The following LIN7A variants were observed in gnomAD, a reference collection of about 807,000 sequenced individuals.
LIN7A encodes the protein lin-7 cell polarity scaffold A, also known as protein lin-7 homolog A.
LIN7A carries 25 observed loss-of-function variants against 29.8 expected under a neutral mutation model. The ratio of observed to expected loss-of-function variants is 0.84; its 90% CI spans 0.61 to 1.17. The LOEUF is 1.17. LIN7A is among the 50% of genes most tolerant of loss of function. The probability of loss-of-function intolerance (pLI) is 0.00; values close to 1 mark genes in which losing one functional copy is unlikely to be tolerated. For missense variants in LIN7A, 239 were observed against 287.0 expected (o/e 0.83, Z 1.21); for synonymous variants, 118 against 107.5 (o/e 1.10, Z -0.60).
intron 1 of LIN7A, among the ~76,000 whole-genome samples, chr12:80,907,049 C>T (rs953507368): frequency 8.3e-5 from 6 of 72,170 alleles, no homozygotes; most frequent in Admixed American, 4.1e-4. Context: ...CCTCAGAGTG[C>T]GTGCTCTGTG....
At chr12:80,884,432 T>A (rs888769974) in intron 2 of LIN7A, among the ~76,000 whole-genome samples, 3 of 152,190 alleles carry the variant, frequency 2.0e-5, no homozygotes, top group Non-Finnish European at 4.4e-5. Flanking sequence ...TCTCTATTTT[T>A]TATTTTCTCG....
At chr12:80,843,850 T>A (rs1872935688) in intron 4 of LIN7A, among the ~76,000 whole-genome samples, 1 of 152,112 alleles carries the variant, frequency 6.6e-6, no homozygotes, top group Non-Finnish European at 1.5e-5. Context: ...TATCAAAACA[T>A]CATTGCAAGG....
At chr12:80,811,346 G>A in intron 5 of LIN7A, 119 bp downstream of exon 5, 1 of 434,272 alleles carries the variant, frequency 2.3e-6, no homozygotes, top group Non-Finnish European at 4.1e-6. Context: ...TTTTGTTTCA[G>A]CTAAGAAAAT....
chr12:80,894,236 A>T (rs751206560), intron 1 of LIN7A, among the ~76,000 whole-genome samples: 6 of 152,154 alleles, frequency 3.9e-5, no homozygotes, highest in Non-Finnish European at 7.3e-5. Context: ...ATCACATTTG[A>T]TTAGTAACAG....
chr12:80,847,855 G>A (rs1229909843), intron 3 of LIN7A, among the ~76,000 whole-genome samples: 1 of 152,126 alleles, frequency 6.6e-6, no homozygotes, highest in East Asian at 1.9e-4. Flanking sequence ...GGTGTCAGGT[G>A]AATTCTTTTC....
At chr12:80,853,319 G>C (rs149560367) in intron 2 of LIN7A, among the ~76,000 whole-genome samples, 8 of 142,474 alleles carry the variant, frequency 5.6e-5, no homozygotes, top group African/African-American at 2.0e-4. Flanking sequence ...CAAAAAGATA[G>C]CCTAAAATAA....
Position 80,795,596 on chromosome 12 carries a change from TACTC to T in LIN7A, c.*2127_*2130del, listed in dbSNP as rs1051055039. 6.6e-6 allele frequency: 1 copy of T among 152,104 alleles called. No individual in the cohort carries two copies. The highest frequency in any genetic ancestry group is 2.4e-5 in the African/African-American group (1 of 41,424). 9.4% of individuals were successfully genotyped at this position (152,104 alleles called of 1,614,324 possible). A position where few individuals can be genotyped will look rare whatever the true frequency, so the allele number is the denominator to read the frequency against. On this transcript the variant is annotated 3_prime_UTR_variant, in exon 6 of 6. Coordinates refer to ENST00000552864, the MANE Select transcript of LIN7A (RefSeq NM_004664.4). ...AAACATTTATGACTAAGTGAAAACA[TACTC>T]ACTCACCTTAAGCTCCAAATTTATA...
chr12:80,925,897 C>G (rs1320407781), intron 1 of LIN7A, among the ~76,000 whole-genome samples: 1 of 152,192 alleles, frequency 6.6e-6, no homozygotes, highest in Non-Finnish European at 1.5e-5. Flanking sequence ...GGCATTAATA[C>G]CTGACTACCA....
chr12:80,850,491 T>C (rs879555237), intron 2 of LIN7A, among the ~76,000 whole-genome samples: 6 of 152,162 alleles, frequency 3.9e-5, no homozygotes, highest in Non-Finnish European at 7.4e-5. Context: ...ACTGTTTACA[T>C]AGAATTGATC....
chr12:80,935,495 A>G (rs1306224681), intron 1 of LIN7A, among the ~76,000 whole-genome samples: 8 of 152,232 alleles, frequency 5.3e-5, no homozygotes, highest in Non-Finnish European at 1.2e-4. Context: ...CAGAGTGAGT[A>G]TCAGAGTTGC....
At chr12:80,898,632 ATTTG>A (rs1370104761) in intron 1 of LIN7A, among the ~76,000 whole-genome samples, 1 of 150,750 alleles carries the variant, frequency 6.6e-6, no homozygotes, top group East Asian at 2.0e-4. Flanking sequence ...TGTTTTTTCC[ATTTG>A]TTTGTGTCAT....
Position 80,885,321 on chromosome 12 carries a change from C to T in LIN7A, c.201+3930G>A, listed in dbSNP as rs755807244. On this transcript the variant is annotated intron_variant, in intron 2 of 5. Transcript: ENST00000552864. ...GCTAAAGCTTGAAGTCACTTGAAAT[C>T]AGGGAAATGATCTTTACTGAGAATA... 1.8e-4 allele frequency among the ~76,000 whole-genome samples: 28 copies of T among 152,092 alleles called. 1 individual carries two copies. Among genetic ancestry groups the T allele is most frequent in the Admixed American group, 1.2e-3 (18 of 15,260 alleles).
chr12:80,807,314 C>G (rs1340152905), intron 5 of LIN7A, among the ~76,000 whole-genome samples: 1 of 152,226 alleles, frequency 6.6e-6, no homozygotes, highest in South Asian at 2.1e-4. Context: ...TTGTGATCCA[C>G]CTGCCTTGGC....
At chr12:80,831,562 T>A (rs74109602) in intron 4 of LIN7A, among the ~76,000 whole-genome samples, 3 of 152,188 alleles carry the variant, frequency 2.0e-5, no homozygotes, top group Admixed American at 6.5e-5. Context: ...AGACTGAAAG[T>A]GATTGGGCTT....
intron 2 of LIN7A, among the ~76,000 whole-genome samples, chr12:80,853,526 G>A (rs922461940): frequency 3.3e-5 from 5 of 152,052 alleles, no homozygotes; most frequent in Admixed American, 6.6e-5. Flanking sequence ...CATTATCATG[G>A]AAGATATATG....
At chr12:80,852,398 G>T (rs1213932864) in intron 2 of LIN7A, among the ~76,000 whole-genome samples, 1 of 152,098 alleles carries the variant, frequency 6.6e-6, no homozygotes, top group African/African-American at 2.4e-5. Context: ...AGCCTTTATT[G>T]TGAGTTTCTC....
Position 80,891,447 on chromosome 12 carries a change from G to A in LIN7A, c.83-2078C>T, listed in dbSNP as rs1875620001. 1.3e-5 allele frequency among the ~76,000 whole-genome samples: 2 copies of A among 152,080 alleles called. 1 individual carries two copies. The highest frequency in any genetic ancestry group is 4.1e-4 in the South Asian group (2 of 4,824). Reference sequence around the variant, plus strand: ...TATAGTGGGGCCATCCCAAATTTTTGCTATTTCTAAGACATGCCACAGAAT... The same window carrying A: ...TATAGTGGGGCCATCCCAAATTTTTACTATTTCTAAGACATGCCACAGAAT... On this transcript the variant is annotated intron_variant, in intron 1 of 5. Transcript: ENST00000552864.
intron 2 of LIN7A, among the ~76,000 whole-genome samples, chr12:80,863,165 A>G (rs1461992672): frequency 1.3e-5 from 2 of 152,224 alleles, no homozygotes; most frequent in African/African-American, 2.4e-5. Context: ...AGAGGAAGGA[A>G]AGGAAGAAGA....
chr12:80,812,608 G>T (rs988855785), intron 4 of LIN7A, among the ~76,000 whole-genome samples: 2 of 151,984 alleles, frequency 1.3e-5, no homozygotes, highest in Non-Finnish European at 2.9e-5. Context: ...CTGGTGTGCA[G>T]TGGCCTGATC....
Sources: gnomAD v4.1 joint callset for allele counts (sites outside exome capture counted in the v4.1 genomes callset) on GRCh38, gnomAD v4.1.1 for gene constraint, MANE v1.5 for transcripts, NCBI Gene and HGNC (gene_info 2026-07-23, HGNC 2026-07-21) for gene names.